Variants in RARS1 observed in about 807,000 individuals in gnomAD.
RARS1 encodes arginyl-tRNA synthetase 1, also known as arginine--tRNA ligase, cytoplasmic.
RARS1 carries 75 observed loss-of-function variants against 78.7 expected under a neutral mutation model. That is an observed-to-expected ratio of 0.95 (90% CI 0.79 to 1.15). The LOEUF (loss-of-function observed/expected upper bound fraction) is 1.15, where lower values mean the gene tolerates loss of function less well. RARS1 is among the 50% of genes most tolerant of loss of function. RARS1 has a pLI of 0.00. For synonymous variants in RARS1, 273 were observed against 268.2 expected, an observed-to-expected ratio of 1.02 and a Z score of -0.18; for missense variants, 787 against 787.5, an observed-to-expected ratio of 1.00 and a Z score of 0.01.
chr5:168,501,736 AAAAAG>A (rs1039003676), intron 8 of RARS1, among the ~76,000 whole-genome samples: 1 of 152,196 alleles, frequency 6.6e-6, no homozygotes, highest in Non-Finnish European at 1.5e-5. Context: ...AAATAATAAT[AAAAAG>A]AAAGTAAACG....
rs796341858 is a variant in RARS1 at position 168,513,203 on chromosome 5, G to A, written c.1452+2517G>A. ...TGGGACTACAGGCACCCACCATCAC[G>A]CCCTGCTAATTTTTTGTATTTTTTT... On this transcript the variant is annotated intron_variant, in intron 12 of 14. Transcript: ENST00000231572. Among the ~76,000 whole-genome samples the A allele has an allele frequency of 2.1e-3, 275 of 130,346 alleles. 3 individuals are homozygous for A. The highest frequency in any genetic ancestry group is 7.5e-3 in the African/African-American group (258 of 34,586). 85.5% of individuals were successfully genotyped at this position (130,346 alleles called of 152,430 possible). A position where few individuals can be genotyped will look rare whatever the true frequency, so the allele number is the denominator to read the frequency against.
At chr5:168,487,861 G>T (rs1758001510) in intron 1 of RARS1, among the ~76,000 whole-genome samples, 1 of 152,148 alleles carries the variant, frequency 6.6e-6, no homozygotes, top group African/African-American at 2.4e-5. Flanking sequence ...TGGGAAAATT[G>T]TTTAGTCCCA....
intron 12 of RARS1, among the ~76,000 whole-genome samples, chr5:168,511,879 T>C (rs914185429): frequency 6.6e-6 from 1 of 152,144 alleles, no homozygotes; most frequent in Non-Finnish European, 1.5e-5. Flanking sequence ...TTTTGTTTTG[T>C]TTTTGAGACA....
rs1561829588 is a variant in RARS1 at position 168,517,962 on chromosome 5, C to T, written c.1773C>T (p.Asp591=). The T allele has an allele frequency of 1.2e-6, 2 of 1,612,440 alleles. No individual in the cohort carries two copies. Among genetic ancestry groups the T allele is most frequent in the Non-Finnish European group, 1.7e-6 (2 of 1,179,652 alleles). ...FPEILQKILD[D]LFLHTLCDYI... is the part of the protein sequence containing the mutation. The stretch of plus-strand genomic sequence containing the variant: ...AGATTCTGCAAAAGATTTTAGATGA[C>T]TTATTTCTCCACACTCTCTGTGATT... Residue 591 remains aspartate, a synonymous_variant, in exon 14 of 15, where the codon GAC becomes GAT. Transcript: ENST00000231572.
At chr5:168,501,916 A>G (rs192249021) in intron 8 of RARS1, 85 bp from the exon 9 acceptor site, 10 of 1,497,854 alleles carry the variant, frequency 6.7e-6, no homozygotes. Flanking sequence ...GTATTAATAA[A>G]TTTATTTCAA....
In RARS1 at chr5:168,518,069, G is replaced by GTTTTT. The variant is rs772589730; in HGVS notation, c.1873+8_1873+9insTTTTT. The GTTTTT allele has an allele frequency of 6.2e-5, 42 of 675,854 alleles. No homozygotes were observed. The highest frequency in any genetic ancestry group is 6.0e-4 in the Admixed American group (8 of 13,364). The allele number at this position is 675,854 out of a possible 1,614,324, so 41.9% of individuals were successfully genotyped here. A position where few individuals can be genotyped will look rare whatever the true frequency, so the allele number is the denominator to read the frequency against. On this transcript the variant is annotated splice_region_variant and intron_variant, in intron 14 of 14. Coordinates refer to ENST00000231572, the MANE Select transcript of RARS1 (RefSeq NM_002887.4). ...GAGAAAGATAGACAGACTGGTGAGTGTCTTTTTTTTTTTTTTTTTTTTTTT... is the reference window on the plus strand; with the variant it reads ...GAGAAAGATAGACAGACTGGTGAGTGTTTTTTCTTTTTTTTTTTTTTTTTTTTTTT...
At chr5:168,501,502 C>T (rs777924085) in intron 8 of RARS1, among the ~76,000 whole-genome samples, 177 of 152,262 alleles carry the variant, frequency 1.2e-3, no homozygotes, top group Admixed American at 3.2e-3. Context: ...GCGGGTGGAT[C>T]ACCTGAGATC....
At chr5:168,490,346 A>C (rs1311685782) in intron 2 of RARS1, among the ~76,000 whole-genome samples, 1 of 152,168 alleles carries the variant, frequency 6.6e-6, no homozygotes, top group South Asian at 2.1e-4. Context: ...TGTGCTAGAG[A>C]CTATAAGGGA....
chr5:168,506,736 G>A lies in RARS1; in HGVS notation c.1251G>A (p.Gln417=), dbSNP rs749313897. 8.1e-6 allele frequency: 13 copies of A among 1,612,878 alleles called. No individual in the cohort carries two copies. Among genetic ancestry groups the A allele is most frequent in the Middle Eastern group, 1.7e-4 (1 of 6,060 alleles). Reference sequence around the variant, plus strand: ...TTCTGTTGTAGTCTGTGCACTTCCAGACAATATTTGCTGCTGCTCAAATGA... The same window carrying A: ...TTCTGTTGTAGTCTGTGCACTTCCAAACAATATTTGCTGCTGCTCAAATGA... ...VVDNGQSVHF[Q]TIFAAAQMIG... Residue 417 remains glutamine (Q), a synonymous_variant, in exon 11 of 15, where the codon CAG becomes CAA. Transcript: ENST00000231572.
At chr5:168,508,871 CCT>C (rs148188086) in intron 11 of RARS1, among the ~76,000 whole-genome samples, 7,879 of 152,172 alleles carry the variant, frequency 0.052, 279 homozygotes, top group Non-Finnish European at 0.077. Context: ...AACATGAGCT[CCT>C]CTCTGAAAGA....
At chr5:168,492,470 G>A (rs12515318) in intron 2 of RARS1, among the ~76,000 whole-genome samples, 189 bp from the exon 3 acceptor site, 1 of 152,194 alleles carries the variant, frequency 6.6e-6, no homozygotes, top group Non-Finnish European at 1.5e-5. Flanking sequence ...GGATGTCTTA[G>A]ATGCCGTGGG....
chr5:168,506,038 G>C lies in RARS1; in HGVS notation c.1075G>C (p.Asp359His), dbSNP rs1381013035. ...FEDRGFVQVD[D>H]GRKIVFVPGC... ...CCCCCTAGGATTTGTGCAGGTGGAT[G>C]ATGGCAGAAAGATTGTATTTGTCCC... Residue 359 changes from aspartate (D) to histidine (H), a missense_variant, in exon 10 of 15, where the codon GAT becomes CAT. Coordinates refer to ENST00000231572, the MANE Select transcript of RARS1 (RefSeq NM_002887.4). 6.2e-7 allele frequency: 1 copy of C among 1,603,394 alleles called. No individual in the cohort carries two copies. Among genetic ancestry groups the C allele is most frequent in the Non-Finnish European group, 8.5e-7 (1 of 1,176,266 alleles).
chr5:168,492,429 G>A (rs570961247), intron 2 of RARS1, among the ~76,000 whole-genome samples: 51 of 152,280 alleles, frequency 3.3e-4, no homozygotes, highest in Non-Finnish European at 6.5e-4. Context: ...TAAAACAAAT[G>A]CAAAAAGTAA....
chr5:168,488,804 AC>A (rs1554121223), intron 2 of RARS1, 68 bp downstream of exon 2: 3 of 1,472,214 alleles, frequency 2.0e-6, no homozygotes, highest in Non-Finnish European at 2.7e-6. Flanking sequence ...AGCCTTTGTT[AC>A]CAAAGATTCT....
At chr5:168,497,574 C>T (rs902730702) in intron 7 of RARS1, among the ~76,000 whole-genome samples, 2 of 151,902 alleles carry the variant, frequency 1.3e-5, no homozygotes, top group African/African-American at 4.8e-5. Flanking sequence ...GTTCTGCAGG[C>T]TGTACAAGCA....
rs1064796563 is a variant in RARS1 at position 168,516,893 on chromosome 5, T to A, written c.1568T>A (p.Met523Lys). ...GACTACATCTTCTCCTTTGACAAAA[T>A]GCTAGATGACAGAGGAAATACAGCT... ...LNDYIFSFDK[M>K]LDDRGNTAAY... Residue 523 changes from methionine (M) to lysine (K), a missense_variant, in exon 13 of 15, where the codon ATG (methionine) becomes AAG (lysine). Transcript: ENST00000231572. 6.2e-7 allele frequency: 1 copy of A among 1,614,056 alleles called. No individual in the cohort carries two copies. The highest frequency in any genetic ancestry group is 2.2e-5 in the East Asian group (1 of 44,898).
intron 2 of RARS1, among the ~76,000 whole-genome samples, chr5:168,492,046 G>A (rs1488673735): frequency 6.8e-6 from 1 of 146,652 alleles, no homozygotes; most frequent in Admixed American, 7.1e-5. Context: ...CACTTTGTGT[G>A]CATCCAGCAG....
Position 168,518,071 on chromosome 5 carries a change from C to CTTTTGTTTTTTTTTTTTTTT in RARS1, c.1873+13_1873+14insGTTTTTTTTTTTTTTTTTTT. ...GAAAGATAGACAGACTGGTGAGTGT[C>CTTTTGTTTTTTTTTTTTTTT]TTTTTTTTTTTTTTTTTTTTTTTTA... On this transcript the variant is annotated intron_variant, in intron 14 of 14. Coordinates refer to ENST00000231572, the MANE Select transcript of RARS1 (RefSeq NM_002887.4). The CTTTTGTTTTTTTTTTTTTTT allele has an allele frequency of 1.3e-6, 1 of 747,560 alleles. No individual in the cohort carries two copies. The highest frequency in any genetic ancestry group is 1.6e-6 in the Non-Finnish European group (1 of 622,936). The allele number at this position is 747,560 out of a possible 1,614,324, so 46.3% of individuals were successfully genotyped here.
chr5:168,493,115 T>A (rs1219279202), intron 3 of RARS1: 2 of 303,980 alleles, frequency 6.6e-6, no homozygotes, highest in African/African-American at 4.1e-5. Context: ...CCTCCTGCTG[T>A]GTCCAGGATT....
Sources: gnomAD v4.1 joint callset for allele counts (sites outside exome capture counted in the v4.1 genomes callset) on GRCh38, gnomAD v4.1.1 for gene constraint, MANE v1.5 for transcripts, NCBI Gene and HGNC (gene_info 2026-07-23, HGNC 2026-07-21) for gene names.